ERCC6L2: variants seen among roughly 807,000 people sequenced by gnomAD.
ERCC6L2 encodes the protein ERCC excision repair 6 like 2, also known as DNA excision repair protein ERCC-6-like 2.
ERCC6L2 carries 77 observed loss-of-function variants against 132.0 expected under a neutral mutation model. The observed-to-expected ratio is 0.58, with a 90% CI of 0.49 to 0.71. ERCC6L2 has a LOEUF of 0.71. Ranked by LOEUF, ERCC6L2 falls within the 30% of genes least tolerant of loss-of-function variation. The pLI is 0.00. For synonymous variants in ERCC6L2, 583 were observed against 632.4 expected (o/e 0.92, Z 1.17); for missense variants, 1,542 against 1,837.6 (o/e 0.84, Z 2.94).
In ERCC6L2 at chr9:95,955,930, C is replaced by A. The variant is rs1415702517; in HGVS notation, c.1864C>A (p.Gln622Lys). Residue 622 changes from glutamine to lysine, a missense_variant, in exon 13 of 19, where the codon CAA becomes AAA. By Grantham distance (53) the Gln-to-Lys change is moderately conservative. This residue lies in a region of ERCC6L2 where 945 missense variants were observed against 1,105.2 expected (regional missense o/e 0.86). Coordinates refer to ENST00000653738, the MANE Select transcript of ERCC6L2 (RefSeq NM_020207.7). ...CTTTTACAGAGCATATAGGATTGGA[C>A]AATGTAGAGATGTCAAAGTGCTTAG... is the stretch of plus-strand genomic sequence containing the variant. Reference protein sequence around the residue: ...QAIDRAYRIGQCRDVKVLRLI... With the variant: ...QAIDRAYRIGKCRDVKVLRLI... The A allele has an allele frequency of 6.2e-7, 1 of 1,600,042 alleles. No individual in the cohort carries two copies. Among genetic ancestry groups the A allele is most frequent in the Non-Finnish European group, 8.5e-7 (1 of 1,173,430 alleles).
chr9:95,915,060 C>T (rs530698053), intron 4 of ERCC6L2, among the ~76,000 whole-genome samples: 59 of 152,244 alleles, frequency 3.9e-4, no homozygotes, highest in Middle Eastern at 3.4e-3. Flanking sequence ...ATTAGGCTGG[C>T]GTCTCTATTC....
chr9:96,029,811 T>C (rs1588068277), intron 19 of ERCC6L2, among the ~76,000 whole-genome samples: 1 of 152,342 alleles, frequency 6.6e-6, no homozygotes, highest in East Asian at 1.9e-4. Flanking sequence ...GATTTTATGC[T>C]GCTTCATCCT....
intron 13 of ERCC6L2, among the ~76,000 whole-genome samples, chr9:95,957,205 G>A (rs1053964684): frequency 1.3e-5 from 2 of 152,142 alleles, no homozygotes; most frequent in African/African-American, 4.8e-5. Context: ...AGGTTCACGT[G>A]TAATCATAAA....
downstream of ERCC6L2, chr9:96,020,784 A>G: frequency 2.2e-6 from 1 of 456,772 alleles, no homozygotes; most frequent in Non-Finnish European, 4.4e-6. Context: ...GGACGGGCCT[A>G]AGAGAATGGG....
At chr9:95,997,637 G>T (rs759621473) in intron 17 of ERCC6L2, among the ~76,000 whole-genome samples, 1 of 152,176 alleles carries the variant, frequency 6.6e-6, no homozygotes, top group Admixed American at 6.5e-5. Flanking sequence ...TTGTGGTGGT[G>T]GTCCAGGACC....
At position 95,922,325 on chromosome 9, in the gene ERCC6L2, A is replaced by G. The variant is rs769325112; in HGVS notation, c.1320A>G (p.Thr440=). The G allele has an allele frequency of 1.8e-4, 282 of 1,610,838 alleles. 2 individuals are homozygous for G. The East Asian group carries it at 6.2e-3, about 35-fold the overall frequency. Residue 440 remains threonine, a synonymous_variant, in exon 8 of 19, where the codon ACA becomes ACG. Coordinates refer to ENST00000653738, the MANE Select transcript of ERCC6L2 (RefSeq NM_020207.7). ...CCYKTNSHGE[T]VKTLYLSYLT... Reference sequence around the variant, plus strand: ...TACAGACCAATTCTCATGGTGAAACAGTGAAAACCTTGTATCTCAGTTACC... The same window carrying G: ...TACAGACCAATTCTCATGGTGAAACGGTGAAAACCTTGTATCTCAGTTACC...
intron 2 of ERCC6L2, among the ~76,000 whole-genome samples, chr9:95,895,006 ATTAAAGTCT>A (rs1432849844): frequency 2.6e-5 from 4 of 152,196 alleles, no homozygotes; most frequent in Non-Finnish European, 4.4e-5. Context: ...CAATCATGTT[ATTAAAGTCT>A]TCTGTATCTT....
In ERCC6L2 at chr9:95,916,430, A is replaced by T; in HGVS notation, c.1154A>T (p.Asp385Val). 1 of 1,556,558 alleles carries T rather than the reference A, an allele frequency of 6.4e-7. No homozygotes were observed. The highest frequency in any genetic ancestry group is 8.6e-7 in the Non-Finnish European group (1 of 1,158,526). ...AAGGATCAGTTGCCTAAGAAGGAAG[A>T]CCGGGTAAGAACCGCATTTGTATAT... ...LIKDQLPKKE[D>V]RMVYCSLTDF... Residue 385 changes from aspartate to valine, a missense_variant, in exon 6 of 19, where the codon GAC (aspartate) becomes GTC (valine). Asp to Val is a radical substitution (Grantham distance 152). Transcript: ENST00000653738.
chr9:95,958,696 A>G (rs1156402578), intron 13 of ERCC6L2, among the ~76,000 whole-genome samples: 1 of 152,160 alleles, frequency 6.6e-6, no homozygotes, highest in Non-Finnish European at 1.5e-5. Flanking sequence ...ATACAAAATC[A>G]ATGTACAAAA....
rs79014440 is a variant in ERCC6L2 at position 95,995,561 on chromosome 9, A to G, written c.3493-8959A>G. On this transcript the variant is annotated intron_variant, in intron 17 of 18. Coordinates refer to ENST00000653738, the MANE Select transcript of ERCC6L2 (RefSeq NM_020207.7). ...ATAATACATAGGCATTCCTTGTTTTAGTGTACTTCATTTGATTGCACTTTG... is the reference window on the plus strand; with the variant it reads ...ATAATACATAGGCATTCCTTGTTTTGGTGTACTTCATTTGATTGCACTTTG... Among the ~76,000 whole-genome samples, 1,144 of 152,292 alleles carry G rather than the reference A, an allele frequency of 7.5e-3. 19 individuals carry two copies. The highest frequency in any genetic ancestry group is 0.026 in the African/African-American group (1,095 of 41,562).
chr9:95,952,441 A>G lies in ERCC6L2; in HGVS notation c.1848-3473A>G, dbSNP rs1831381458. The stretch of plus-strand genomic sequence containing the variant: ...ATTCCTGGAATTCAAAAACAGTTCA[A>G]CATCCCACAAAAATCAGTGTAATAT... On this transcript the variant is annotated intron_variant, in intron 12 of 18. Coordinates refer to ENST00000653738, the MANE Select transcript of ERCC6L2 (RefSeq NM_020207.7). Among the ~76,000 whole-genome samples, 4 of 152,206 alleles carry G rather than the reference A, an allele frequency of 2.6e-5. No homozygotes were observed. In the South Asian group the frequency reaches 8.3e-4, roughly 32 times the overall value.
At chr9:95,983,322 T>G (rs1375518394) in intron 17 of ERCC6L2, among the ~76,000 whole-genome samples, 1 of 152,236 alleles carries the variant, frequency 6.6e-6, no homozygotes, top group African/African-American at 2.4e-5. Context: ...AGAAATGATC[T>G]TTGCTTGTTA....
rs201243110 is a variant in ERCC6L2, at chr9:95,907,246, C to T, written c.763C>T (p.Arg255Cys). Residue 255 changes from arginine (R) to cysteine (C), a missense_variant, in exon 4 of 19, where the codon CGC becomes TGC. Arg to Cys is a radical substitution (Grantham distance 180). Around this residue, in one of 4 missense-constraint regions of ERCC6L2, gnomAD observed 945 missense variants for 1,105.2 expected, o/e 0.86. Transcript: ENST00000653738. ...TGCTCTAACAACTTATGAAACACTA[C>T]GCTTATGCCTGGATGAACTTAACAG... ...EIALTTYETLRLCLDELNSLE... is the reference protein window; with the variant it reads ...EIALTTYETLCLCLDELNSLE... 37 of 1,610,742 alleles carry T rather than the reference C, an allele frequency of 2.3e-5. No individual in the cohort carries two copies. The East Asian group carries it at 3.4e-4, about 15-fold the overall frequency.
intron 11 of ERCC6L2, among the ~76,000 whole-genome samples, chr9:95,934,400 C>G (rs1046028614): frequency 6.6e-6 from 1 of 151,524 alleles, no homozygotes; most frequent in South Asian, 2.1e-4. Flanking sequence ...AAATTTTATT[C>G]CAAAAGAAAT....
intron 19 of ERCC6L2, among the ~76,000 whole-genome samples, chr9:96,029,315 AAAAAAAAAC>A (rs1564312157): frequency 4.0e-5 from 6 of 150,962 alleles, no homozygotes; most frequent in East Asian, 2.0e-4. Flanking sequence ...AAAAAAAAAA[AAAAAAAAAC>A]AAAAAAAAAA....
chr9:96,031,539 C>T (rs1396875980), intron 19 of ERCC6L2, among the ~76,000 whole-genome samples: 2 of 152,218 alleles, frequency 1.3e-5, no homozygotes, highest in South Asian at 2.1e-4. Context: ...AATAATTTCC[C>T]GGCATCAGCA....
intron 17 of ERCC6L2, among the ~76,000 whole-genome samples, chr9:95,991,840 T>A (rs1833312968): frequency 6.6e-6 from 1 of 152,200 alleles, no homozygotes; most frequent in South Asian, 2.1e-4. Context: ...GGGAAAAGAT[T>A]TACCCAAAGT....
chr9:95,941,658 A>T, intron 12 of ERCC6L2, 109 bp downstream of exon 12: 1 of 740,114 alleles, frequency 1.4e-6, no homozygotes, highest in Non-Finnish European at 2.2e-6. Context: ...GAAAGGGGGA[A>T]ACTGGTAAAA....
chr9:95,880,754 C>A, intron 1 of ERCC6L2, 115 bp from the exon 2 acceptor site: 1 of 802,730 alleles, frequency 1.2e-6, no homozygotes, highest in Non-Finnish European at 1.9e-6. Flanking sequence ...TATCTTGTTC[C>A]AGTTTTTTGG....
Sources: gnomAD v4.1 joint callset for allele counts (sites outside exome capture counted in the v4.1 genomes callset) on GRCh38, gnomAD v4.1.1 for gene constraint, gnomAD v4.1.1 regional missense constraint, MANE v1.5 for transcripts, NCBI Gene and HGNC (gene_info 2026-07-23, HGNC 2026-07-21) for gene names.